CHL1: variants seen among roughly 807,000 people sequenced by gnomAD.
The protein encoded by CHL1 is neural cell adhesion molecule L1-like protein.
CHL1 carries 96 observed loss-of-function variants against 141.9 expected under a neutral mutation model. The ratio of observed to expected loss-of-function variants is 0.68; its 90% CI spans 0.57 to 0.80. The LOEUF (loss-of-function observed/expected upper bound fraction) is 0.80. Ranked by LOEUF, CHL1 falls within the 30% of genes least tolerant of loss-of-function variation. The probability of loss-of-function intolerance (pLI) is 0.00; values close to 1 mark genes in which losing one functional copy is unlikely to be tolerated. For missense variants in CHL1, 1,820 were observed against 1,457.2 expected (o/e 1.25, Z -4.05); for synonymous variants, 613 against 502.2 (o/e 1.22, Z -2.95).
chr3:389,555 G>A, intron 20 of CHL1, 81 bp downstream of exon 20: 1 of 1,070,552 alleles, frequency 9.3e-7, no homozygotes, highest in South Asian at 1.4e-5. Flanking sequence ...ACAAATATTT[G>A]TGAACAACTA....
At chr3:335,819 G>A (rs1701820095) in intron 5 of CHL1, among the ~76,000 whole-genome samples, 2 of 152,120 alleles carry the variant, frequency 1.3e-5, no homozygotes, top group South Asian at 4.1e-4. Context: ...TGAGATGCAG[G>A]CTATGGAGAA....
chr3:355,467 A>T (rs1031007164), intron 11 of CHL1, among the ~76,000 whole-genome samples: 1 of 152,160 alleles, frequency 6.6e-6, no homozygotes, highest in Non-Finnish European at 1.5e-5. Context: ...GGAGTCCCCA[A>T]ATCTTCCACT....
intron 2 of CHL1, among the ~76,000 whole-genome samples, chr3:297,119 G>A (rs894325155): frequency 3.3e-5 from 5 of 152,082 alleles, no homozygotes; most frequent in Non-Finnish European, 7.4e-5. Flanking sequence ...CCAGCTGCTC[G>A]GGAGGCAGAG....
At chr3:273,228 G>A (rs901727227) in intron 2 of CHL1, among the ~76,000 whole-genome samples, 1 of 152,146 alleles carries the variant, frequency 6.6e-6, no homozygotes, top group Non-Finnish European at 1.5e-5. Flanking sequence ...GTGAGTGTGC[G>A]ATAGCTAGAA....
At chr3:252,373 T>TAC (rs1693778778) in intron 2 of CHL1, among the ~76,000 whole-genome samples, 1 of 119,120 alleles carries the variant, frequency 8.4e-6, no homozygotes, top group African/African-American at 3.0e-5. Flanking sequence ...TATATATATA[T>TAC]ATATATATAT....
intron 1 of CHL1, among the ~76,000 whole-genome samples, chr3:240,292 G>A (rs778619383): frequency 1.3e-5 from 2 of 152,072 alleles, no homozygotes; most frequent in Non-Finnish European, 2.9e-5. Context: ...GGCCATTCTT[G>A]CAGGAGTCAG....
rs1343739190 is a variant in CHL1 at position 360,333 on chromosome 3, C to A, written c.1215C>A (p.Thr405=). ...TCTTCCCCAGGGAAATCAGTTTTAC[C>A]AACCTTCAACCAAATCATACTGCTG... is the stretch of plus-strand genomic sequence containing the variant. ...DVVFPREISF[T]NLQPNHTAVY... Residue 405 remains threonine, a synonymous_variant, in exon 12 of 28, where the codon ACC becomes ACA. Coordinates refer to ENST00000256509, the MANE Select transcript of CHL1 (RefSeq NM_006614.4). The A allele has an allele frequency of 6.2e-7, 1 of 1,613,676 alleles. No individual in the cohort carries two copies. Among genetic ancestry groups the A allele is most frequent in the Non-Finnish European group, 8.5e-7 (1 of 1,179,738 alleles).
intron 4 of CHL1, among the ~76,000 whole-genome samples, chr3:327,850 T>C (rs1701130252): frequency 1.3e-5 from 2 of 152,088 alleles, no homozygotes; most frequent in South Asian, 2.1e-4. Context: ...ACAGAAATTA[T>C]ATATGTTTCT....
chr3:291,850 C>A (rs1375714293), intron 2 of CHL1, among the ~76,000 whole-genome samples: 2 of 152,174 alleles, frequency 1.3e-5, no homozygotes, highest in Non-Finnish European at 2.9e-5. Context: ...ATTTTAAAAT[C>A]CTGCTGACTA....
chr3:371,691 TTCA>T (rs1705654665), intron 15 of CHL1, among the ~76,000 whole-genome samples: 1 of 152,218 alleles, frequency 6.6e-6, no homozygotes, highest in African/African-American at 2.4e-5. Flanking sequence ...GTGAAGTTTC[TTCA>T]TCATGTCATT....
intron 1 of CHL1, among the ~76,000 whole-genome samples, chr3:204,359 T>C (rs1210042080): frequency 6.6e-6 from 1 of 152,258 alleles, no homozygotes; most frequent in East Asian, 1.9e-4. Context: ...GAAACTCATG[T>C]AACCTGGATG....
chr3:259,533 T>C (rs904886176), intron 2 of CHL1, among the ~76,000 whole-genome samples: 2 of 152,218 alleles, frequency 1.3e-5, no homozygotes, highest in African/African-American at 2.4e-5. Flanking sequence ...TGAGCCACTT[T>C]TCAGCATCAT....
chr3:335,598 G>C (rs1701801082), intron 5 of CHL1, among the ~76,000 whole-genome samples: 1 of 152,178 alleles, frequency 6.6e-6, no homozygotes, highest in Admixed American at 6.5e-5. Context: ...AGCTCACCAG[G>C]CCAGTCCTGT....
At chr3:302,071 C>T (rs1343862947) in intron 2 of CHL1, among the ~76,000 whole-genome samples, 1 of 152,298 alleles carries the variant, frequency 6.6e-6, no homozygotes, top group East Asian at 1.9e-4. Context: ...CTGCAAAGGA[C>T]AAGAACTCAT....
intron 11 of CHL1, among the ~76,000 whole-genome samples, chr3:355,857 G>C (rs1257335635): frequency 2.0e-5 from 3 of 152,172 alleles, no homozygotes; most frequent in Non-Finnish European, 4.4e-5. Flanking sequence ...AGACTGCCTG[G>C]GTTTGCATAC....
chr3:241,017 A>G (rs1692510227), intron 1 of CHL1, among the ~76,000 whole-genome samples: 1 of 152,138 alleles, frequency 6.6e-6, no homozygotes, highest in Non-Finnish European at 1.5e-5. Flanking sequence ...CAAAGAGTAT[A>G]TATTATGTTT....
intron 2 of CHL1, chr3:248,153 T>A (rs537770004): frequency 1.9e-4 from 29 of 152,260 alleles, no homozygotes; most frequent in Admixed American, 1.6e-3. Flanking sequence ...ATTGCATACA[T>A]AATTTTGGTA....
At chr3:304,606 C>G (rs9881701) in intron 2 of CHL1, among the ~76,000 whole-genome samples, 4,267 of 151,910 alleles carry the variant, frequency 0.028, 201 homozygotes, top group African/African-American at 0.097. Flanking sequence ...TCATTTTTTA[C>G]TGCATCTATT....
At position 267,073 on chromosome 3, in the gene CHL1, G is replaced by GT. The variant is rs578176542; in HGVS notation, c.-95+22387dup. Among the ~76,000 whole-genome samples the GT allele has an allele frequency of 3.6e-4, 55 of 152,216 alleles. No individual in the cohort carries two copies. The East Asian group carries it at 8.5e-3, about 23-fold the overall frequency. On this transcript the variant is annotated intron_variant, in intron 2 of 27. Coordinates refer to ENST00000256509, the MANE Select transcript of CHL1 (RefSeq NM_006614.4). ...ATATTGATAAATCTTGCATTTATCT[G>GT]TTTTTTGCAGTATGTATTTCCTATT...
Sources: gnomAD v4.1 joint callset for allele counts (sites outside exome capture counted in the v4.1 genomes callset) on GRCh38, gnomAD v4.1.1 for gene constraint, MANE v1.5 for transcripts, NCBI Gene and HGNC (gene_info 2026-07-23, HGNC 2026-07-21) for gene names.